RORA: variants seen among roughly 807,000 people sequenced by gnomAD.
RORA encodes nuclear receptor ROR-alpha.
RORA carries 7 observed loss-of-function variants against 69.5 expected under a neutral mutation model. The observed-to-expected ratio is 0.10, with a 90% CI of 0.06 to 0.19. The LOEUF is 0.19. Ranked by LOEUF, RORA falls within the 10% of genes least tolerant of loss-of-function variation. RORA has a pLI of 1.00. For synonymous variants in RORA, 261 were observed against 240.8 expected (o/e 1.08, Z -0.78); for missense variants, 457 against 663.0 (o/e 0.69, Z 3.41).
At chr15:60,965,572 A>C (rs1483961253) in intron 1 of RORA, among the ~76,000 whole-genome samples, 1 of 152,202 alleles carries the variant, frequency 6.6e-6, no homozygotes, top group African/African-American at 2.4e-5. Flanking sequence ...AGCCCAACAC[A>C]AAGCCATTTT....
intron 2 of RORA, among the ~76,000 whole-genome samples, chr15:60,614,046 T>G (rs1176350071): frequency 6.6e-6 from 1 of 152,066 alleles, no homozygotes; most frequent in Non-Finnish European, 1.5e-5. Flanking sequence ...ACTGGAAATT[T>G]TTTGGTAGGT....
At chr15:61,201,944 T>C in intron 1 of RORA, among the ~76,000 whole-genome samples, 1 of 152,026 alleles carries the variant, frequency 6.6e-6, no homozygotes, top group East Asian at 1.9e-4. Flanking sequence ...TTCGATGTAA[T>C]ATCTATATAT....
At chr15:61,048,825 A>C (rs1791643029) in intron 1 of RORA, among the ~76,000 whole-genome samples, 1 of 151,972 alleles carries the variant, frequency 6.6e-6, no homozygotes, top group South Asian at 2.1e-4. Flanking sequence ...CATTTCCTGG[A>C]GTTTCATGGG....
At chr15:60,683,818 G>C (rs1390915192) in intron 1 of RORA, among the ~76,000 whole-genome samples, 1 of 152,206 alleles carries the variant, frequency 6.6e-6, no homozygotes, top group Non-Finnish European at 1.5e-5. Context: ...AAGCAAAGTT[G>C]AGCTTCTAAT....
At chr15:60,883,752 CA>C (rs1384645799) in intron 1 of RORA, among the ~76,000 whole-genome samples, 2 of 151,888 alleles carry the variant, frequency 1.3e-5, no homozygotes, top group Non-Finnish European at 2.9e-5. Flanking sequence ...GTTGTTTGTG[CA>C]AAAAGTAAAG....
intron 1 of RORA, chr15:60,681,638 A>T (rs943293023): frequency 2.6e-5 from 4 of 152,226 alleles, no homozygotes; most frequent in Admixed American, 2.0e-4. Context: ...CGCAGCAGGC[A>T]TGTGTGCCTG....
At chr15:61,065,832 A>C (rs115008437) in intron 1 of RORA, among the ~76,000 whole-genome samples, 258 of 152,274 alleles carry the variant, frequency 1.7e-3, no homozygotes, top group African/African-American at 6.1e-3. Context: ...TTCATGCAAG[A>C]CTCTGATCCT....
At chr15:60,808,276 G>A (rs2072686242) in intron 1 of RORA, among the ~76,000 whole-genome samples, 1 of 152,068 alleles carries the variant, frequency 6.6e-6, no homozygotes, top group Non-Finnish European at 1.5e-5. Context: ...ATTCTCAAAA[G>A]AAGATACACA....
At chr15:60,870,489 T>C in intron 1 of RORA, among the ~76,000 whole-genome samples, 1 of 152,086 alleles carries the variant, frequency 6.6e-6, no homozygotes, top group East Asian at 1.9e-4. Flanking sequence ...AAGGAGGTAG[T>C]GGAAGTGTAG....
intron 2 of RORA, among the ~76,000 whole-genome samples, chr15:60,544,244 A>C (rs2066996819): frequency 2.0e-5 from 3 of 152,214 alleles, no homozygotes; most frequent in Non-Finnish European, 4.4e-5. Flanking sequence ...GAGTGAGCTG[A>C]ACTCTCATTT....
intron 1 of RORA, among the ~76,000 whole-genome samples, chr15:60,766,958 G>C (rs1260847020): frequency 6.6e-6 from 1 of 152,166 alleles, no homozygotes; most frequent in African/African-American, 2.4e-5. Context: ...TAATGTAGTG[G>C]GAGAGAAGAT....
chr15:60,522,678 G>A (rs1326830133), intron 3 of RORA, among the ~76,000 whole-genome samples: 1 of 151,700 alleles, frequency 6.6e-6, no homozygotes, highest in African/African-American at 2.4e-5. Flanking sequence ...GGTGAGGTGG[G>A]AAGATTGTTG....
chr15:60,605,086 TTAAGA>T (rs2068914427), intron 2 of RORA, among the ~76,000 whole-genome samples: 1 of 152,172 alleles, frequency 6.6e-6, no homozygotes, highest in Non-Finnish European at 1.5e-5. Flanking sequence ...TCCCAAATAA[TTAAGA>T]TAATTTTTCA....
At chr15:60,503,349 T>A (rs2065389814) in intron 7 of RORA, among the ~76,000 whole-genome samples, 186 bp downstream of exon 7, 1 of 151,988 alleles carries the variant, frequency 6.6e-6, no homozygotes, top group African/African-American at 2.4e-5. Context: ...AGAAGAAAAG[T>A]GGGGGGAATG....
intron 1 of RORA, among the ~76,000 whole-genome samples, chr15:60,851,035 T>C (rs190282886): frequency 4.6e-5 from 7 of 152,260 alleles, no homozygotes; most frequent in African/African-American, 1.7e-4. Flanking sequence ...GGTGTGAAGA[T>C]GCAGTACAAA....
chr15:61,141,715 A>G, intron 1 of RORA, among the ~76,000 whole-genome samples: 1 of 152,226 alleles, frequency 6.6e-6, no homozygotes, highest in East Asian at 1.9e-4. Flanking sequence ...TGGCTTTATC[A>G]GGCACACAGC....
intron 2 of RORA, among the ~76,000 whole-genome samples, chr15:60,550,285 G>T (rs990891671): frequency 6.6e-6 from 1 of 151,172 alleles, no homozygotes; most frequent in African/African-American, 2.5e-5. Flanking sequence ...GTGAGACTCC[G>T]TCTCAAAAAC....
At position 60,975,584 on chromosome 15, in the gene RORA, T is replaced by A. The variant is rs147307360; in HGVS notation, c.166+253469A>T. 7.7e-4 allele frequency among the ~76,000 whole-genome samples: 118 copies of A among 152,272 alleles called. 1 individual carries two copies. Among genetic ancestry groups the A allele is most frequent in the African/African-American group, 2.6e-3 (108 of 41,548 alleles). On this transcript the variant is annotated intron_variant, in intron 1 of 10. Transcript: ENST00000335670. The stretch of plus-strand genomic sequence containing the variant: ...ATTCAGAACATGTTTGCCTTGAGTG[T>A]ATGGAATCTGGGTCACCTTCACTGA...
intron 2 of RORA, chr15:60,627,649 T>A: frequency 2.0e-6 from 1 of 496,412 alleles, no homozygotes; most frequent in Non-Finnish European, 2.6e-6. Flanking sequence ...TTCCCTTTTT[T>A]CAATACCAAA....
Sources: allele counts gnomAD v4.1 joint callset (sites outside exome capture counted in the v4.1 genomes callset), GRCh38; gene constraint gnomAD v4.1.1; transcripts MANE v1.5; gene names NCBI Gene and HGNC (gene_info 2026-07-23, HGNC 2026-07-21).